DNAJC1: variants seen among roughly 807,000 people sequenced by gnomAD.
DNAJC1 encodes the protein dnaJ homolog subfamily C member 1.
DNAJC1 carries 58 observed loss-of-function variants against 76.6 expected under a neutral mutation model. That is an observed-to-expected ratio of 0.76 (90% CI 0.61 to 0.94). The LOEUF (loss-of-function observed/expected upper bound fraction) is 0.94. DNAJC1 is among the 40% of genes least tolerant of loss of function. The pLI is 0.00. For synonymous variants in DNAJC1, 258 were observed against 267.9 expected, an observed-to-expected ratio of 0.96 and a Z score of 0.36; for missense variants, 689 against 677.3, an observed-to-expected ratio of 1.02 and a Z score of -0.19.
intron 8 of DNAJC1, 52 bp downstream of exon 8, chr10:21,882,230 G>A: frequency 6.7e-7 from 1 of 1,501,608 alleles, no homozygotes; most frequent in Non-Finnish European, 9.0e-7. Flanking sequence ...TGTATTTTAT[G>A]TGCTTTTCTG....
chr10:21,864,705 A>C (rs1327261566), intron 8 of DNAJC1, among the ~76,000 whole-genome samples: 1 of 152,134 alleles, frequency 6.6e-6, no homozygotes, highest in Non-Finnish European at 1.5e-5. Flanking sequence ...AAGATTTCCT[A>C]ATTATGACAT....
chr10:21,776,228 A>G (rs527970139), intron 9 of DNAJC1, among the ~76,000 whole-genome samples: 2 of 152,312 alleles, frequency 1.3e-5, no homozygotes, highest in East Asian at 3.9e-4. Context: ...GGATCAGTCA[A>G]CAGTTACATG....
At chr10:21,815,720 T>A (rs1468621221) in intron 8 of DNAJC1, among the ~76,000 whole-genome samples, 2 of 152,072 alleles carry the variant, frequency 1.3e-5, no homozygotes, top group African/African-American at 4.8e-5. Flanking sequence ...TTTGCCTATC[T>A]CAAGGATGAG....
intron 7 of DNAJC1, among the ~76,000 whole-genome samples, chr10:21,902,136 C>G (rs560106533): frequency 3.7e-4 from 57 of 152,232 alleles, no homozygotes; most frequent in Admixed American, 9.8e-4. Flanking sequence ...TCTTATTATT[C>G]ACAGCATAGT....
intron 8 of DNAJC1, among the ~76,000 whole-genome samples, chr10:21,875,385 A>G (rs1465304201): frequency 6.6e-6 from 1 of 152,112 alleles, no homozygotes; most frequent in African/African-American, 2.4e-5. Context: ...TGAAGTCCTG[A>G]CCTCAAACAA....
chr10:22,002,474 A>G (rs1838534774), intron 1 of DNAJC1, among the ~76,000 whole-genome samples: 1 of 152,140 alleles, frequency 6.6e-6, no homozygotes, highest in Admixed American at 6.5e-5. Flanking sequence ...ACAAAAGGAA[A>G]AGGGGAAAAA....
In DNAJC1 at chr10:21,904,579, T is replaced by C. The variant is rs147466228; in HGVS notation, c.763A>G (p.Thr255Ala). ...GCATCTTCCTTTTCCTTCAATCTTGTTTCTTTATATTTAGCATAAAACTGC... is the reference window on the plus strand; with the variant it reads ...GCATCTTCCTTTTCCTTCAATCTTGCTTCTTTATATTTAGCATAAAACTGC... ...AGQFYAKYKE[T>A]RLKEKEDALT... The change falls in exon 7 of 12, where the codon ACA becomes GCA. Residue 255 changes from threonine (T) to alanine (A), a missense_variant. Coordinates refer to ENST00000376980, the MANE Select transcript of DNAJC1 (RefSeq NM_022365.4). The C allele has an allele frequency of 1.3e-4, 217 of 1,607,476 alleles. No individual in the cohort carries two copies. The African/African-American group carries it at 2.4e-3, about 18-fold the overall frequency.
intron 9 of DNAJC1, among the ~76,000 whole-genome samples, chr10:21,788,115 C>T (rs961315622): frequency 6.6e-6 from 1 of 152,224 alleles, no homozygotes; most frequent in African/African-American, 2.4e-5. Context: ...CCTCCCATTG[C>T]CTTGGGCTGG....
In DNAJC1 at chr10:21,757,146, T is replaced by A. The variant is rs527298995; in HGVS notation, c.1597-391A>T. On this transcript the variant is annotated intron_variant, in intron 11 of 11. Coordinates refer to ENST00000376980, the MANE Select transcript of DNAJC1 (RefSeq NM_022365.4). ...CAGGTAGCCTATTAGTCTTCTTCCG[T>A]GGGTCTGGCTTTCCCTAGGCGCTGC... Among the ~76,000 whole-genome samples, 15 of 152,368 alleles carry A rather than the reference T, an allele frequency of 9.8e-5. No homozygotes were observed. In the East Asian group the frequency reaches 2.9e-3, roughly 29 times the overall value.
At chr10:21,906,243 C>T (rs1223897767) in intron 6 of DNAJC1, among the ~76,000 whole-genome samples, 2 of 152,080 alleles carry the variant, frequency 1.3e-5, no homozygotes, top group African/African-American at 4.8e-5. Flanking sequence ...AATGGTACTA[C>T]TAGAAGAGCA....
chr10:21,883,885 G>A (rs1233017910), intron 7 of DNAJC1, among the ~76,000 whole-genome samples: 1 of 152,164 alleles, frequency 6.6e-6, no homozygotes, highest in East Asian at 1.9e-4. Context: ...GTCTAGGATT[G>A]TCTATATTTC....
At chr10:21,883,686 T>C (rs930697225) in intron 7 of DNAJC1, among the ~76,000 whole-genome samples, 8 of 152,232 alleles carry the variant, frequency 5.3e-5, no homozygotes, top group African/African-American at 1.4e-4. Flanking sequence ...CACAGTACAC[T>C]GTAGAGGATC....
chr10:21,813,196 CTCTCTCTCTCTCTCTCTCTCTCTCTA>C (rs1388343494), intron 8 of DNAJC1, among the ~76,000 whole-genome samples: 5 of 77,060 alleles, frequency 6.5e-5, no homozygotes, highest in South Asian at 9.3e-4. Context: ...CTCTCTCTCT[CTCTCTCTCTCTCTCTCTCTCTCTCTA>C]TATATATATA....
chr10:21,834,264 A>C (rs555845380), intron 8 of DNAJC1, among the ~76,000 whole-genome samples: 1 of 148,066 alleles, frequency 6.8e-6, no homozygotes, highest in East Asian at 1.9e-4. Context: ...ACTCCATCTC[A>C]AAAAAAAATA....
intron 1 of DNAJC1, among the ~76,000 whole-genome samples, chr10:21,952,472 G>C (rs1237790585): frequency 2.6e-5 from 4 of 152,002 alleles, no homozygotes; most frequent in Non-Finnish European, 5.9e-5. Flanking sequence ...TTAAAGACAG[G>C]GTCAGGCAGG....
chr10:21,835,622 A>G (rs1355146623), intron 8 of DNAJC1, among the ~76,000 whole-genome samples: 1 of 152,222 alleles, frequency 6.6e-6, no homozygotes, highest in Non-Finnish European at 1.5e-5. Context: ...AATGCAGTGA[A>G]GTCCTTAAAG....
chr10:21,760,743 G>T (rs532544976), intron 10 of DNAJC1, among the ~76,000 whole-genome samples: 1 of 152,260 alleles, frequency 6.6e-6, no homozygotes, highest in Admixed American at 6.5e-5. Context: ...GACAGCACAG[G>T]TCTAGCCTTT....
At chr10:22,000,158 CA>C (rs1838495780) in intron 1 of DNAJC1, among the ~76,000 whole-genome samples, 1 of 152,192 alleles carries the variant, frequency 6.6e-6, no homozygotes, top group Non-Finnish European at 1.5e-5. Context: ...TTCAAGCCAT[CA>C]GTAAAATTCT....
At chr10:21,933,941 T>C (rs1247228113) in intron 1 of DNAJC1, among the ~76,000 whole-genome samples, 1 of 152,168 alleles carries the variant, frequency 6.6e-6, no homozygotes, top group Admixed American at 6.5e-5. Flanking sequence ...AATAAGCAAC[T>C]ATGTTACAGG....
Sources: gnomAD v4.1 joint callset for allele counts (sites outside exome capture counted in the v4.1 genomes callset) on GRCh38, gnomAD v4.1.1 for gene constraint, MANE v1.5 for transcripts, NCBI Gene and HGNC (gene_info 2026-07-23, HGNC 2026-07-21) for gene names.